Variants in GPR15 observed in about 807,000 individuals in gnomAD.
GPR15 encodes the protein brother of Bonzo.
In GPR15, 16 loss-of-function variants were observed where a neutral mutation model predicts 19.3. That is an observed-to-expected ratio of 0.83 (90% CI 0.56 to 1.26). GPR15 has a LOEUF of 1.26. GPR15 is among the 50% of genes most tolerant of loss of function. The pLI is 0.00. For synonymous variants in GPR15, 170 were observed against 171.2 expected (o/e 0.99, Z 0.05); for missense variants, 458 against 429.4 (o/e 1.07, Z -0.59).
At position 98,532,233 on chromosome 3, in the gene GPR15, T is replaced by A. The variant is rs746825748; in HGVS notation, c.200T>A (p.Leu67Gln). 1.2e-6 allele frequency: 2 copies of A among 1,614,210 alleles called. No homozygotes were observed. Among genetic ancestry groups the A allele is most frequent in the Non-Finnish European group, 1.7e-6 (2 of 1,180,030 alleles). ...CATTTCAAACCCGGCAGCCGAAGACTGATCGACATCTTTATCATCAATCTG... is the reference window on the plus strand; with the variant it reads ...CATTTCAAACCCGGCAGCCGAAGACAGATCGACATCTTTATCATCAATCTG... The part of the protein sequence containing the change: ...ALHFKPGSRR[L>Q]IDIFIINLAA... Residue 67 changes from leucine (L) to glutamine (Q), a missense_variant, in exon 1 of 1, where the codon CTG becomes CAG. Physicochemically the swap from Leu to Gln is moderately radical, Grantham distance 113. Transcript: ENST00000284311.
rs1706677002 is a variant in GPR15 at position 98,533,951 on chromosome 3, T to C, written c.*835T>C. On this transcript the variant is annotated 3_prime_UTR_variant, in exon 1 of 1. Transcript: ENST00000284311. ...TTTATAAATTAGGATTTGACTTTGC[T>C]TTAATTACATGTTTTTAATTACCCA... Among the ~76,000 whole-genome samples the C allele has an allele frequency of 6.6e-6, 1 of 152,240 alleles. No homozygotes were observed. The highest frequency in any genetic ancestry group is 1.5e-5 in the Non-Finnish European group (1 of 68,032).
At position 98,532,158 on chromosome 3, in the gene GPR15, C is replaced by G; in HGVS notation, c.125C>G (p.Ala42Gly). 6.2e-7 allele frequency: 1 copy of G among 1,614,172 alleles called. No individual in the cohort carries two copies. Among genetic ancestry groups the G allele is most frequent in the Non-Finnish European group, 8.5e-7 (1 of 1,180,040 alleles). ...TSVFLPVFYT[A>G]VFLTGVLGNL... is the part of the protein sequence containing the mutation. ...GTCTTCCTTCCAGTCTTTTACACAG[C>G]TGTGTTCCTGACTGGAGTGCTGGGG... is the stretch of plus-strand genomic sequence containing the variant. Residue 42 changes from alanine to glycine, a missense_variant, in exon 1 of 1, where the codon GCT becomes GGT. Coordinates refer to ENST00000284311, the MANE Select transcript of GPR15 (RefSeq NM_005290.4).
rs1174947207 is a variant in GPR15 at position 98,532,758 on chromosome 3, T to A, written c.725T>A (p.Ile242Asn). Reference protein sequence around the residue: ...HNKKLKKSIKIIFIVVAAFLV... With the variant: ...HNKKLKKSIKNIFIVVAAFLV... ...AAAAAGCTGAAGAAATCTATAAAGATCATCTTTATTGTCGTGGCAGCCTTT... is the reference window on the plus strand; with the variant it reads ...AAAAAGCTGAAGAAATCTATAAAGAACATCTTTATTGTCGTGGCAGCCTTT... Residue 242 changes from isoleucine (I) to asparagine (N), a missense_variant, in exon 1 of 1, where the codon ATC (isoleucine) becomes AAC (asparagine). Ile to Asn is a moderately radical substitution (Grantham distance 149). Transcript: ENST00000284311. 6.2e-7 allele frequency: 1 copy of A among 1,613,890 alleles called. No homozygotes were observed. Among genetic ancestry groups the A allele is most frequent in the Non-Finnish European group, 8.5e-7 (1 of 1,179,858 alleles).
In GPR15 at chr3:98,532,893, G is replaced by C; in HGVS notation, c.860G>C (p.Ser287Thr). Reference sequence around the variant, plus strand: ...ATTCTTCAGCTTGGTATGGAGGTGAGTGGACCCTTGGCATTTGCCAACAGC... The same window carrying C: ...ATTCTTCAGCTTGGTATGGAGGTGACTGGACCCTTGGCATTTGCCAACAGC... ...SAILQLGMEV[S>T]GPLAFANSCV... The change falls in exon 1 of 1, where the codon AGT (serine) becomes ACT (threonine). Residue 287 changes from serine to threonine, a missense_variant. Ser to Thr is a moderately conservative substitution (Grantham distance 58). Coordinates refer to ENST00000284311, the MANE Select transcript of GPR15 (RefSeq NM_005290.4). 6.2e-7 allele frequency: 1 copy of C among 1,614,116 alleles called. No homozygotes were observed. Among genetic ancestry groups the C allele is most frequent in the South Asian group, 1.1e-5 (1 of 91,086 alleles).
In GPR15 at chr3:98,534,564, G is replaced by A. The variant is rs1011439496; in HGVS notation, c.*1448G>A. ...CACATGAAGAGAAACCTCAAATATC[G>A]GACATCTCCTTGTAGCCTAATTAGA... On this transcript the variant is annotated 3_prime_UTR_variant, in exon 1 of 1. Coordinates refer to ENST00000284311, the MANE Select transcript of GPR15 (RefSeq NM_005290.4). Among the ~76,000 whole-genome samples the A allele has an allele frequency of 3.3e-5, 5 of 151,912 alleles. No individual in the cohort carries two copies. The highest frequency in any genetic ancestry group is 3.9e-4 in the East Asian group (2 of 5,194).
rs758980673 is a variant in GPR15, at chr3:98,532,177, G to A, written c.144G>A (p.Val48=). 2 of 1,614,188 alleles carry A rather than the reference G, an allele frequency of 1.2e-6. No individual in the cohort carries two copies. Among genetic ancestry groups the A allele is most frequent in the East Asian group, 2.2e-5 (1 of 44,886 alleles). The change falls in exon 1 of 1, where the codon GTG becomes GTA. Residue 48 remains valine (V), a synonymous_variant. Transcript: ENST00000284311. Reference sequence around the variant, plus strand: ...ACACAGCTGTGTTCCTGACTGGAGTGCTGGGGAACCTTGTTCTCATGGGAG... The same window carrying A: ...ACACAGCTGTGTTCCTGACTGGAGTACTGGGGAACCTTGTTCTCATGGGAG... ...VFYTAVFLTG[V]LGNLVLMGAL... is the part of the protein sequence containing the mutation.
Position 98,533,848 on chromosome 3 carries a change from TA to T in GPR15, c.*737del, listed in dbSNP as rs35175394. ...ATCTATTTGCTTTATAAGATATTGA[TA>T]AAAATGTATCTCATTCATAATGGTG... On this transcript the variant is annotated 3_prime_UTR_variant, in exon 1 of 1. Transcript: ENST00000284311. Among the ~76,000 whole-genome samples, 35 of 152,352 alleles carry T rather than the reference TA, an allele frequency of 2.3e-4. No homozygotes were observed. In the East Asian group the frequency reaches 6.2e-3, roughly 27 times the overall value.
chr3:98,533,537 A>T lies in GPR15; in HGVS notation c.*421A>T, dbSNP rs1303586324. On this transcript the variant is annotated 3_prime_UTR_variant, in exon 1 of 1. Transcript: ENST00000284311. ...AAATGATTCTGCCTACTTTCATCTG[A>T]TGAGAAATGCAGTAACAATGCAGGT... is the stretch of plus-strand genomic sequence containing the variant. Among the ~76,000 whole-genome samples, 1 of 152,202 alleles carries T rather than the reference A, an allele frequency of 6.6e-6. No individual in the cohort carries two copies. Among genetic ancestry groups the T allele is most frequent in the African/African-American group, 2.4e-5 (1 of 41,436 alleles).
At position 98,532,023 on chromosome 3, in the gene GPR15, G is replaced by C; in HGVS notation, c.-11G>C. On this transcript the variant is annotated 5_prime_UTR_variant, in exon 1 of 1. Transcript: ENST00000284311. ...AGTAAACTCACCAGATTTGGCATCTGCTCTTTGGTGATGGACCCAGAAGAA... is the reference window on the plus strand; with the variant it reads ...AGTAAACTCACCAGATTTGGCATCTCCTCTTTGGTGATGGACCCAGAAGAA... 6.3e-7 allele frequency: 1 copy of C among 1,595,516 alleles called. No homozygotes were observed. Among genetic ancestry groups the C allele is most frequent in the South Asian group, 1.1e-5 (1 of 88,624 alleles).
rs1368875996 is a variant in GPR15, at chr3:98,533,442, C to T, written c.*326C>T. ...ATTGTTAATGCACATTTGGGCCTTT[C>T]CTCTCTCAAAAACCATGGTACCTTC... On this transcript the variant is annotated 3_prime_UTR_variant, in exon 1 of 1. Coordinates refer to ENST00000284311, the MANE Select transcript of GPR15 (RefSeq NM_005290.4). Among the ~76,000 whole-genome samples the T allele has an allele frequency of 6.6e-6, 1 of 152,072 alleles. No individual in the cohort carries two copies. The highest frequency in any genetic ancestry group is 2.4e-5 in the African/African-American group (1 of 41,414).
At position 98,532,920 on chromosome 3, in the gene GPR15, G is replaced by C; in HGVS notation, c.887G>C (p.Cys296Ser). 1 of 1,614,086 alleles carries C rather than the reference G, an allele frequency of 6.2e-7. No homozygotes were observed. Residue 296 changes from cysteine (C) to serine (S), a missense_variant, in exon 1 of 1, where the codon TGT (cysteine) becomes TCT (serine). Coordinates refer to ENST00000284311, the MANE Select transcript of GPR15 (RefSeq NM_005290.4). ...GGACCCTTGGCATTTGCCAACAGCT[G>C]TGTCAACCCTTTCATTTACTATATC... is the stretch of plus-strand genomic sequence containing the variant. The part of the protein sequence containing the change: ...VSGPLAFANS[C>S]VNPFIYYIFD...
chr3:98,532,824 C>T lies in GPR15; in HGVS notation c.791C>T (p.Ala264Val), dbSNP rs1231767252. 3 of 1,614,002 alleles carry T rather than the reference C, an allele frequency of 1.9e-6. No homozygotes were observed. Among genetic ancestry groups the T allele is most frequent in the African/African-American group, 1.3e-5 (1 of 75,024 alleles). The change falls in exon 1 of 1, where the codon GCC (alanine) becomes GTC (valine). Residue 264 changes from alanine to valine, a missense_variant. Coordinates refer to ENST00000284311, the MANE Select transcript of GPR15 (RefSeq NM_005290.4). ...WLPFNTFKFL[A>V]IVSGLRQEHY... ...CCCTTCAATACTTTCAAGTTCCTGG[C>T]CATTGTCTCTGGGTTGCGGCAAGAA...
In GPR15 at chr3:98,532,116, A is replaced by G. The variant is rs979741882; in HGVS notation, c.83A>G (p.His28Arg). The G allele has an allele frequency of 2.5e-6, 4 of 1,614,050 alleles. No homozygotes were observed. The South Asian group carries it at 3.3e-5, about 13-fold the overall frequency. Reference protein sequence around the residue: ...PNSDIRETHSHVPYTSVFLPV... With the variant: ...PNSDIRETHSRVPYTSVFLPV... Reference sequence around the variant, plus strand: ...TCTGACATCAGGGAGACCCACTCCCATGTTCCTTACACCTCTGTCTTCCTT... The same window carrying G: ...TCTGACATCAGGGAGACCCACTCCCGTGTTCCTTACACCTCTGTCTTCCTT... The change falls in exon 1 of 1, where the codon CAT (histidine) becomes CGT (arginine). Residue 28 changes from histidine to arginine, a missense_variant. Transcript: ENST00000284311.
rs959596703 is a variant in GPR15 at position 98,533,598 on chromosome 3, T to C, written c.*482T>C. 5.0e-4 allele frequency among the ~76,000 whole-genome samples: 76 copies of C among 152,336 alleles called. No individual in the cohort carries two copies. The highest frequency in any genetic ancestry group is 1.8e-3 in the African/African-American group (75 of 41,588). ...TAATATACCTGCACTGTGCAATTAA[T>C]TGTTTCTGAGTTACTAAGCTAGATT... On this transcript the variant is annotated 3_prime_UTR_variant, in exon 1 of 1. Coordinates refer to ENST00000284311, the MANE Select transcript of GPR15 (RefSeq NM_005290.4).
rs532096905 is a variant in GPR15 at position 98,534,648 on chromosome 3, T to A, written c.*1532T>A. Reference sequence around the variant, plus strand: ...GCTAACTTGTTAATTTTTCTTAAACTGTTATTAAATAAAAATATAATTTCC... The same window carrying A: ...GCTAACTTGTTAATTTTTCTTAAACAGTTATTAAATAAAAATATAATTTCC... On this transcript the variant is annotated 3_prime_UTR_variant, in exon 1 of 1. Transcript: ENST00000284311. Among the ~76,000 whole-genome samples the A allele has an allele frequency of 8.5e-4, 130 of 152,290 alleles. No individual in the cohort carries two copies. The South Asian group carries it at 0.015, about 17-fold the overall frequency.
rs1353946822 is a variant in GPR15 at position 98,532,848 on chromosome 3, A to G, written c.815A>G (p.Glu272Gly). 1.2e-6 allele frequency: 2 copies of G among 1,614,038 alleles called. No homozygotes were observed. The highest frequency in any genetic ancestry group is 1.1e-5 in the South Asian group (1 of 91,070). The change falls in exon 1 of 1, where the codon GAA (glutamate) becomes GGA (glycine). Residue 272 changes from glutamate to glycine, a missense_variant. Glu to Gly is a moderately conservative substitution (Grantham distance 98). Coordinates refer to ENST00000284311, the MANE Select transcript of GPR15 (RefSeq NM_005290.4). Reference sequence around the variant, plus strand: ...GCCATTGTCTCTGGGTTGCGGCAAGAACACTATTTACCCTCAGCTATTCTT... The same window carrying G: ...GCCATTGTCTCTGGGTTGCGGCAAGGACACTATTTACCCTCAGCTATTCTT... The part of the protein sequence containing the change: ...FLAIVSGLRQ[E>G]HYLPSAILQL...
chr3:98,532,652 C>T lies in GPR15; in HGVS notation c.619C>T (p.Pro207Ser), dbSNP rs200700815. 14 of 1,614,126 alleles carry T rather than the reference C, an allele frequency of 8.7e-6. No individual in the cohort carries two copies. The Admixed American group carries it at 1.3e-4, about 15-fold the overall frequency. ...LVALIFTFFVPLLSIVTCYCC... is the reference protein window; with the variant it reads ...LVALIFTFFVSLLSIVTCYCC... ...GGCCTTAATTTTCACCTTTTTTGTC[C>T]CTTTGTTGAGCATTGTGACCTGCTA... Residue 207 changes from proline to serine, a missense_variant, in exon 1 of 1, where the codon CCT becomes TCT. Physicochemically the swap from Pro to Ser is moderately conservative, Grantham distance 74. Coordinates refer to ENST00000284311, the MANE Select transcript of GPR15 (RefSeq NM_005290.4).
rs1706682786 is a variant in GPR15 at position 98,534,506 on chromosome 3, A to T, written c.*1390A>T. On this transcript the variant is annotated 3_prime_UTR_variant, in exon 1 of 1. Transcript: ENST00000284311. ...GAAAAAACTTAGAATCCTTTCAAAG[A>T]CTAGCCAATTTAATTTCATCTCATG... 6.6e-6 allele frequency among the ~76,000 whole-genome samples: 1 copy of T among 152,202 alleles called. No homozygotes were observed. Among genetic ancestry groups the T allele is most frequent in the Non-Finnish European group, 1.5e-5 (1 of 68,016 alleles).
rs761625721 is a variant in GPR15 at position 98,532,941 on chromosome 3, A to T, written c.908A>T (p.Tyr303Phe). 18 of 1,613,876 alleles carry T rather than the reference A, an allele frequency of 1.1e-5. No individual in the cohort carries two copies. The highest frequency in any genetic ancestry group is 1.5e-5 in the Non-Finnish European group (18 of 1,180,000). Reference protein sequence around the residue: ...ANSCVNPFIYYIFDSYIRRAI... With the variant: ...ANSCVNPFIYFIFDSYIRRAI... Reference sequence around the variant, plus strand: ...AGCTGTGTCAACCCTTTCATTTACTATATCTTCGACAGCTACATCCGCCGG... The same window carrying T: ...AGCTGTGTCAACCCTTTCATTTACTTTATCTTCGACAGCTACATCCGCCGG... Residue 303 changes from tyrosine to phenylalanine, a missense_variant, in exon 1 of 1, where the codon TAT (tyrosine) becomes TTT (phenylalanine). Coordinates refer to ENST00000284311, the MANE Select transcript of GPR15 (RefSeq NM_005290.4).
Sources: allele counts gnomAD v4.1 joint callset (sites outside exome capture counted in the v4.1 genomes callset), GRCh38; gene constraint gnomAD v4.1.1; transcripts MANE v1.5; gene names NCBI Gene and HGNC (gene_info 2026-07-23, HGNC 2026-07-21).